Variants in CCDC144A observed in about 807,000 individuals in gnomAD.
The protein encoded by CCDC144A is coiled-coil domain-containing protein 144A.
In CCDC144A, 41 loss-of-function variants were observed where a neutral mutation model predicts 143.8. That is an observed-to-expected ratio of 0.29 (90% confidence interval 0.22 to 0.37). The LOEUF is 0.37. Among genes scored for constraint, CCDC144A ranks in the 10% least tolerant of loss-of-function variants. The pLI, the probability that CCDC144A is intolerant of heterozygous loss-of-function variation, is 1.00. For synonymous variants in CCDC144A, 242 were observed against 517.9 expected, an observed-to-expected ratio of 0.47 and a Z score of 7.23; for missense variants, 637 against 1,488.8, an observed-to-expected ratio of 0.43 and a Z score of 9.41.
upstream of CCDC144A, among the ~76,000 whole-genome samples, chr17:16,686,082 GTTTT>G (rs1194028272): frequency 3.1e-5 from 4 of 128,546 alleles, no homozygotes; most frequent in Non-Finnish European, 6.6e-5. Flanking sequence ...GAGCCCGGCT[GTTTT>G]TTTTGTTTTT....
chr17:16,682,880 T>C, the CCDC144A span, among the ~76,000 whole-genome samples: 2 of 134,754 alleles, frequency 1.5e-5, no homozygotes, highest in African/African-American at 2.8e-5. Flanking sequence ...CTCTGGATTC[T>C]CTGTTTTTTT....
At chr17:16,677,176 C>T in the CCDC144A span, among the ~76,000 whole-genome samples, 1 of 152,074 alleles carries the variant, frequency 6.6e-6, no homozygotes, top group Non-Finnish European at 1.5e-5. Context: ...TTCGTCCGTC[C>T]TCTCTTCCCT....
At chr17:16,690,886 G>T in intron 1 of CCDC144A, 142 bp downstream of exon 1, 1 of 678,666 alleles carries the variant, frequency 1.5e-6, no homozygotes, top group East Asian at 2.6e-5. Context: ...AAATATAAAG[G>T]ATTATTACTA....
chr17:16,697,308 A>G (rs1220645956), intron 2 of CCDC144A, among the ~76,000 whole-genome samples: 2 of 152,142 alleles, frequency 1.3e-5, no homozygotes, highest in African/African-American at 4.8e-5. Flanking sequence ...TTCCTACTCA[A>G]CCGTACCATT....
At chr17:16,745,532 T>G (rs1914456362) in intron 12 of CCDC144A, 24 of 1,262,996 alleles carry the variant, frequency 1.9e-5, no homozygotes, top group Non-Finnish European at 2.7e-5. Context: ...TCCAGTTTCC[T>G]GGTAAGGAAT....
At chr17:16,678,120 A>C in the CCDC144A span, among the ~76,000 whole-genome samples, 1 of 152,084 alleles carries the variant, frequency 6.6e-6, no homozygotes, top group African/African-American at 2.4e-5. Context: ...TGGAGTTTTA[A>C]TGTACAAACC....
chr17:16,718,476 C>CAAA (rs1222355092), intron 6 of CCDC144A, among the ~76,000 whole-genome samples: 1 of 152,138 alleles, frequency 6.6e-6, no homozygotes, highest in African/African-American at 2.4e-5. Flanking sequence ...AACTAATTGT[C>CAAA]CTTAAAGTGT....
the CCDC144A span, among the ~76,000 whole-genome samples, chr17:16,669,869 G>A: frequency 6.6e-6 from 1 of 152,124 alleles, no homozygotes; most frequent in Admixed American, 6.6e-5. Context: ...CATAAGTCAA[G>A]GTAGATATTA....
chr17:16,760,509 A>ACT (rs979840061), intron 12 of CCDC144A, among the ~76,000 whole-genome samples: 15 of 134,208 alleles, frequency 1.1e-4, no homozygotes, highest in African/African-American at 5.0e-4. Flanking sequence ...GGATCATGCC[A>ACT]CTGAACTTTT....
chr17:16,687,965 A>G (rs1044698002), upstream of CCDC144A, among the ~76,000 whole-genome samples: 2 of 151,664 alleles, frequency 1.3e-5, no homozygotes, highest in African/African-American at 4.9e-5. Flanking sequence ...TTGTGTCTAT[A>G]AAGAGCACAC....
chr17:16,711,194 GA>G (rs1912423115), intron 5 of CCDC144A, among the ~76,000 whole-genome samples: 1 of 117,686 alleles, frequency 8.5e-6, no homozygotes, highest in African/African-American at 3.4e-5. Context: ...GCTTAGTGCA[GA>G]AAAGGGAAAG....
intron 11 of CCDC144A, among the ~76,000 whole-genome samples, 167 bp downstream of exon 11, chr17:16,732,833 C>T: frequency 6.6e-6 from 1 of 150,726 alleles, no homozygotes; most frequent in Non-Finnish European, 1.5e-5. Flanking sequence ...ATTTTTGGCT[C>T]ATTGAATAAA....
rs749435427 is a variant in CCDC144A at position 16,732,659 on chromosome 17, A to C, written c.2411A>C (p.Asn804Thr). ...CTAGAAATGGCTCGAAAGAAAATGA[A>C]TTCTGAGGTATTTTCTTTAGTCATT... ...KELEMARKKM[N>T]SEISHRHQKE... The change falls in exon 11 of 17, where the codon AAT becomes ACT. Residue 804 changes from asparagine to threonine, a missense_variant. Transcript: ENST00000399273. 6.2e-6 allele frequency: 10 copies of C among 1,602,970 alleles called. No individual in the cohort carries two copies. In the South Asian group the frequency reaches 1.1e-4, roughly 18 times the overall value.
chr17:16,721,483 G>GT (rs1401730107), intron 8 of CCDC144A, among the ~76,000 whole-genome samples: 1 of 149,482 alleles, frequency 6.7e-6, no homozygotes, highest in African/African-American at 2.5e-5. Context: ...TGATGGATGT[G>GT]TATTATGCAT....
intron 8 of CCDC144A, among the ~76,000 whole-genome samples, chr17:16,722,984 TCA>T (rs938260762): frequency 6.6e-6 from 1 of 152,220 alleles, no homozygotes; most frequent in African/African-American, 2.4e-5. Flanking sequence ...AATATCATTG[TCA>T]GACTTTGGTT....
chr17:16,734,086 G>A (rs1416051998), intron 11 of CCDC144A, among the ~76,000 whole-genome samples: 1 of 149,670 alleles, frequency 6.7e-6, no homozygotes, highest in African/African-American at 2.5e-5. Flanking sequence ...GCTACAGTGA[G>A]TCTTGATTGC....
the CCDC144A span, among the ~76,000 whole-genome samples, chr17:16,682,881 C>CTT: frequency 6.2e-5 from 3 of 48,022 alleles, no homozygotes; most frequent in Admixed American, 3.0e-4. Context: ...TCTGGATTCT[C>CTT]TGTTTTTTTT....
chr17:16,681,493 T>C, the CCDC144A span, among the ~76,000 whole-genome samples: 148 of 152,264 alleles, frequency 9.7e-4, 2 homozygotes, highest in Non-Finnish European at 2.1e-3. Flanking sequence ...GAAAAGTATG[T>C]AAAGTTACCC....
rs567985793 is a variant in CCDC144A, at chr17:16,731,217, C to G, written c.2106-583C>G. ...AAGAAGATAAGTTGAAAGTGTTACCCAAAAGAGAAACATAAAAAGGATGGG... is the reference window on the plus strand; with the variant it reads ...AAGAAGATAAGTTGAAAGTGTTACCGAAAAGAGAAACATAAAAAGGATGGG... On this transcript the variant is annotated intron_variant, in intron 9 of 16. Coordinates refer to ENST00000399273, the MANE Select transcript of CCDC144A (RefSeq NM_001382000.1). 3.3e-5 allele frequency: 5 copies of G among 151,902 alleles called. No individual in the cohort carries two copies. In the East Asian group the frequency reaches 9.7e-4, roughly 29 times the overall value. The allele number at this position is 151,902 out of a possible 1,614,324, so 9.4% of individuals were successfully genotyped here. A position where few individuals can be genotyped will look rare whatever the true frequency, so the allele number is the denominator to read the frequency against.
Sources: allele counts gnomAD v4.1 joint callset (sites outside exome capture counted in the v4.1 genomes callset), GRCh38; gene constraint gnomAD v4.1.1; transcripts MANE v1.5; gene names NCBI Gene and HGNC (gene_info 2026-07-23, HGNC 2026-07-21).